Variants in FSTL5 observed in about 807,000 individuals in gnomAD.
The protein encoded by FSTL5 is follistatin like 5, also known as follistatin-related protein 5.
Under a neutral mutation model 89.1 loss-of-function variants are expected in FSTL5, and 62 were observed. That is an observed-to-expected ratio of 0.70 (90% CI 0.57 to 0.86). The LOEUF is 0.86. FSTL5 is among the 40% of genes least tolerant of loss of function. The probability of loss-of-function intolerance (pLI) is 0.00; values close to 1 mark genes in which losing one functional copy is unlikely to be tolerated. For missense variants in FSTL5, 1,057 were observed against 1,001.6 expected (o/e 1.06, Z -0.75); for synonymous variants, 383 against 346.2 (o/e 1.11, Z -1.18).
chr4:161,587,378 C>A lies in FSTL5; in HGVS notation c.1015+77G>T, dbSNP rs1733651884. 23 of 1,443,934 alleles carry A rather than the reference C, an allele frequency of 1.6e-5. No homozygotes were observed. In the South Asian group the frequency reaches 2.2e-4, roughly 14 times the overall value. 89.4% of individuals were successfully genotyped at this position (1,443,934 alleles called of 1,614,324 possible). ...ATATTATTAGTACCTTGTAAAAACTCAAAAAATTGAAGGCTTCACTTCCTA... is the reference window on the plus strand; with the variant it reads ...ATATTATTAGTACCTTGTAAAAACTAAAAAAATTGAAGGCTTCACTTCCTA... On this transcript the variant is annotated intron_variant, in intron 8 of 15. Transcript: ENST00000306100.
rs183557217 is a variant in FSTL5 at position 161,914,334 on chromosome 4, T to C, written c.409+6070A>G. Among the ~76,000 whole-genome samples, 19 of 152,176 alleles carry C rather than the reference T, an allele frequency of 1.2e-4. 1 individual carries two copies. In the East Asian group the frequency reaches 3.7e-3, roughly 29 times the overall value. On this transcript the variant is annotated intron_variant, in intron 4 of 15. Transcript: ENST00000306100. ...GAAAATGTATAAAAACAAGATAAAA[T>C]TGTCTAAGGATTTGAATGTTAAAGT...
At chr4:161,593,130 C>T (rs1461426365) in intron 7 of FSTL5, among the ~76,000 whole-genome samples, 1 of 151,952 alleles carries the variant, frequency 6.6e-6, no homozygotes, top group Non-Finnish European at 1.5e-5. Flanking sequence ...ATTTTATATA[C>T]AATATTTATC....
intron 8 of FSTL5, among the ~76,000 whole-genome samples, chr4:161,548,542 T>G (rs558467718): frequency 1.3e-5 from 2 of 152,010 alleles, no homozygotes; most frequent in South Asian, 4.1e-4. Flanking sequence ...GCTGAACTTT[T>G]TATATTTTTC....
At chr4:161,748,912 AAT>A (rs903442763) in intron 6 of FSTL5, among the ~76,000 whole-genome samples, 13 of 152,140 alleles carry the variant, frequency 8.5e-5, no homozygotes, top group Non-Finnish European at 1.8e-4. Flanking sequence ...GGCAAAAAAA[AAT>A]ACATGAAAAA....
Position 161,725,147 on chromosome 4 carries a change from G to T in FSTL5, c.727+34264C>A, listed in dbSNP as rs551817168. 8.5e-5 allele frequency among the ~76,000 whole-genome samples: 13 copies of T among 152,122 alleles called. No individual in the cohort carries two copies. The South Asian group carries it at 2.7e-3, about 32-fold the overall frequency. On this transcript the variant is annotated intron_variant, in intron 6 of 15. Coordinates refer to ENST00000306100, the MANE Select transcript of FSTL5 (RefSeq NM_020116.5). ...GGAGGCAGAGGTTGCAGTGAGCCCA[G>T]ATCACACCACTGCACTCCAGCCTGT...
At chr4:161,729,317 A>G (rs1262005113) in intron 6 of FSTL5, among the ~76,000 whole-genome samples, 1 of 152,146 alleles carries the variant, frequency 6.6e-6, no homozygotes, top group Admixed American at 6.6e-5. Context: ...ATTCCCATAA[A>G]ATAAATGTTC....
intron 3 of FSTL5, among the ~76,000 whole-genome samples, chr4:162,019,062 A>C (rs1326042777): frequency 6.6e-6 from 1 of 152,120 alleles, no homozygotes; most frequent in Admixed American, 6.5e-5. Context: ...GGGACTATAC[A>C]TTTGACTTTG....
rs552894202 is a variant in FSTL5 at position 162,080,864 on chromosome 4, T to G, written c.126+30407A>C. On this transcript the variant is annotated intron_variant, in intron 2 of 15. Transcript: ENST00000306100. The stretch of plus-strand genomic sequence containing the variant: ...AATTTCATAACAGACAAATCCTAAA[T>G]AAATGGACTAAAAGGATTCTAGTGT... 1.1e-4 allele frequency among the ~76,000 whole-genome samples: 17 copies of G among 151,756 alleles called. No individual in the cohort carries two copies. The East Asian group carries it at 2.1e-3, about 19-fold the overall frequency.
intron 10 of FSTL5, among the ~76,000 whole-genome samples, chr4:161,521,571 G>A (rs1731023790): frequency 6.6e-6 from 1 of 151,970 alleles, no homozygotes; most frequent in African/African-American, 2.4e-5. Flanking sequence ...ACTGGTGGCC[G>A]GGCGCGGTGG....
intron 12 of FSTL5, among the ~76,000 whole-genome samples, chr4:161,486,867 T>A (rs1729700804): frequency 6.6e-6 from 1 of 152,196 alleles, no homozygotes; most frequent in Admixed American, 6.5e-5. Context: ...AACTTTTATA[T>A]CCATTGTTTA....
At chr4:161,671,345 G>A (rs1164885031) in intron 6 of FSTL5, among the ~76,000 whole-genome samples, 1 of 152,132 alleles carries the variant, frequency 6.6e-6, no homozygotes, top group African/African-American at 2.4e-5. Flanking sequence ...AAATAAAGTT[G>A]TGTTGGAACA....
chr4:161,763,133 A>G (rs544523823), intron 5 of FSTL5, among the ~76,000 whole-genome samples: 2 of 152,124 alleles, frequency 1.3e-5, no homozygotes, highest in Non-Finnish European at 2.9e-5. Flanking sequence ...TCACTAACTC[A>G]ATCATCCATT....
At chr4:161,405,686 C>T (rs1399999534) in intron 15 of FSTL5, among the ~76,000 whole-genome samples, 2 of 152,078 alleles carry the variant, frequency 1.3e-5, no homozygotes, top group African/African-American at 4.8e-5. Flanking sequence ...ATCTATTCAT[C>T]TAAGAACTTT....
At chr4:161,654,567 C>A (rs1029407833) in intron 7 of FSTL5, among the ~76,000 whole-genome samples, 3 of 151,978 alleles carry the variant, frequency 2.0e-5, no homozygotes, top group Non-Finnish European at 4.4e-5. Flanking sequence ...CTTAGAAAAG[C>A]TCTATCAAAA....
intron 9 of FSTL5, 102 bp from the exon 10 acceptor site, chr4:161,538,402 A>G: frequency 7.8e-7 from 1 of 1,285,252 alleles, no homozygotes; most frequent in Non-Finnish European, 1.1e-6. Flanking sequence ...TGTCCTAATT[A>G]AACTGTTTCC....
At chr4:161,922,982 A>T (rs539313209) in intron 3 of FSTL5, among the ~76,000 whole-genome samples, 1 of 151,972 alleles carries the variant, frequency 6.6e-6, no homozygotes, top group East Asian at 1.9e-4. Context: ...CTGTACCCTA[A>T]CTTATTAGTA....
At chr4:161,692,952 G>A (rs1737997837) in intron 6 of FSTL5, among the ~76,000 whole-genome samples, 1 of 152,084 alleles carries the variant, frequency 6.6e-6, no homozygotes, top group Non-Finnish European at 1.5e-5. Context: ...TCAATCTCCT[G>A]ACCTCATGAT....
At chr4:162,160,959 A>G (rs1733671912) in intron 1 of FSTL5, among the ~76,000 whole-genome samples, 1 of 151,940 alleles carries the variant, frequency 6.6e-6, no homozygotes, top group African/African-American at 2.4e-5. Flanking sequence ...TAATCTATCT[A>G]TAAATTTCAT....
chr4:161,666,177 T>C (rs1379770620), intron 6 of FSTL5, among the ~76,000 whole-genome samples: 2 of 152,074 alleles, frequency 1.3e-5, no homozygotes, highest in Non-Finnish European at 2.9e-5. Flanking sequence ...ATATTTCAAA[T>C]AAATTATTCT....
Sources: allele counts gnomAD v4.1 joint callset (sites outside exome capture counted in the v4.1 genomes callset), GRCh38; gene constraint gnomAD v4.1.1; transcripts MANE v1.5; gene names NCBI Gene and HGNC (gene_info 2026-07-23, HGNC 2026-07-21).